Variants in CNTNAP2 observed in about 807,000 individuals in gnomAD.
The protein encoded by CNTNAP2 is contactin-associated protein-like 2.
CNTNAP2 carries 98 observed loss-of-function variants against 155.2 expected under a neutral mutation model. The observed-to-expected ratio is 0.63, with a 90% CI of 0.54 to 0.75. The LOEUF (loss-of-function observed/expected upper bound fraction) is 0.75, where lower values mean the gene tolerates loss of function less well. Among genes scored for constraint, CNTNAP2 ranks in the 30% least tolerant of loss-of-function variants. The pLI, the probability that CNTNAP2 is intolerant of heterozygous loss-of-function variation, is 0.00. For missense variants in CNTNAP2, 1,727 were observed against 1,688.1 expected (o/e 1.02, Z -0.40); for synonymous variants, 651 against 631.2 (o/e 1.03, Z -0.47).
At chr7:148,069,502 C>CCGTG (rs1450047038) in intron 15 of CNTNAP2, among the ~76,000 whole-genome samples, 1 of 152,076 alleles carries the variant, frequency 6.6e-6, no homozygotes, top group Non-Finnish European at 1.5e-5. Context: ...GTGGCTCACA[C>CCGTG]CTGTAATTCC....
At chr7:146,866,303 T>C (rs1795204082) in intron 3 of CNTNAP2, among the ~76,000 whole-genome samples, 1 of 152,182 alleles carries the variant, frequency 6.6e-6, no homozygotes, top group South Asian at 2.1e-4. Flanking sequence ...TAAGCCTTTA[T>C]AATAAAATAT....
At chr7:148,198,343 G>A (rs527494509) in intron 18 of CNTNAP2, among the ~76,000 whole-genome samples, 1 of 152,330 alleles carries the variant, frequency 6.6e-6, no homozygotes, top group African/African-American at 2.4e-5. Context: ...TTTCATAAAG[G>A]TTGATGGCGA....
intron 1 of CNTNAP2, among the ~76,000 whole-genome samples, chr7:146,525,188 C>T (rs922496515): frequency 2.6e-5 from 4 of 151,962 alleles, no homozygotes; most frequent in Non-Finnish European, 5.9e-5. Flanking sequence ...CCCTGGTAAT[C>T]CTCGGCTATT....
chr7:147,286,907 T>G (rs1316118917), intron 8 of CNTNAP2, among the ~76,000 whole-genome samples: 3 of 152,114 alleles, frequency 2.0e-5, no homozygotes, highest in African/African-American at 4.8e-5. Context: ...AGTTGACTAG[T>G]CCCTGCTTCT....
At chr7:146,675,392 C>A (rs1423090440) in intron 1 of CNTNAP2, among the ~76,000 whole-genome samples, 1 of 152,138 alleles carries the variant, frequency 6.6e-6, no homozygotes, top group African/African-American at 2.4e-5. Context: ...CATTTAGGAG[C>A]ATGGGCTAGC....
intron 3 of CNTNAP2, among the ~76,000 whole-genome samples, chr7:147,029,092 T>G (rs1294025293): frequency 6.6e-6 from 1 of 150,436 alleles, no homozygotes; most frequent in African/African-American, 2.5e-5. Flanking sequence ...GCCTCGCGAG[T>G]AGCTGGGACC....
intron 1 of CNTNAP2, among the ~76,000 whole-genome samples, chr7:146,431,936 T>C (rs757775942): frequency 1.3e-5 from 2 of 152,106 alleles, no homozygotes; most frequent in Non-Finnish European, 2.9e-5. Context: ...ATTTGTTTGC[T>C]CTCTCTTTGA....
In CNTNAP2 at chr7:148,117,661, C is replaced by T. The variant is rs111556957; in HGVS notation, c.2384-457C>T. On this transcript the variant is annotated intron_variant, in intron 15 of 23. Coordinates refer to ENST00000361727, the MANE Select transcript of CNTNAP2 (RefSeq NM_014141.6). The stretch of plus-strand genomic sequence containing the variant: ...GTACATATGCAGGAGTTCAAAACAG[C>T]CCCCACCCACCCACAGAGTAACCCC... Among the ~76,000 whole-genome samples the T allele has an allele frequency of 7.2e-3, 1,095 of 152,172 alleles. 6 individuals carry two copies. Among genetic ancestry groups the T allele is most frequent in the Non-Finnish European group, 0.012 (817 of 67,972 alleles).
intron 4 of CNTNAP2, among the ~76,000 whole-genome samples, chr7:147,090,324 T>A (rs1344958839): frequency 6.7e-6 from 1 of 149,224 alleles, no homozygotes; most frequent in African/African-American, 2.5e-5. Flanking sequence ...CATATAAGCG[T>A]GTGTGTGTGT....
chr7:148,383,556 G>C (rs1320922134), intron 21 of CNTNAP2, 93 bp from the exon 22 acceptor site: 2 of 1,567,410 alleles, frequency 1.3e-6, no homozygotes, highest in African/African-American at 1.4e-5. Flanking sequence ...AAACCTAAAT[G>C]TAAGCTTTGG....
chr7:148,089,706 A>G lies in CNTNAP2; in HGVS notation c.2384-28412A>G, dbSNP rs1373635628. Reference sequence around the variant, plus strand: ...TGAAGAATATTGTTAAGAATTCAGTACTACCCAAAGTGATCTACAGATTTA... The same window carrying G: ...TGAAGAATATTGTTAAGAATTCAGTGCTACCCAAAGTGATCTACAGATTTA... On this transcript the variant is annotated intron_variant, in intron 15 of 23. Coordinates refer to ENST00000361727, the MANE Select transcript of CNTNAP2 (RefSeq NM_014141.6). Among the ~76,000 whole-genome samples, 5 of 151,786 alleles carry G rather than the reference A, an allele frequency of 3.3e-5. 1 individual carries two copies. Among genetic ancestry groups the G allele is most frequent in the Non-Finnish European group, 7.4e-5 (5 of 67,794 alleles).
At chr7:147,514,995 A>G (rs1799093613) in intron 11 of CNTNAP2, among the ~76,000 whole-genome samples, 1 of 152,148 alleles carries the variant, frequency 6.6e-6, no homozygotes, top group Admixed American at 6.6e-5. Flanking sequence ...AACAGCCTCC[A>G]AGGCCCTGAA....
At chr7:146,639,411 A>G (rs2129160815) in intron 1 of CNTNAP2, among the ~76,000 whole-genome samples, 1 of 152,330 alleles carries the variant, frequency 6.6e-6, no homozygotes, top group East Asian at 1.9e-4. Flanking sequence ...TTTTACAAGC[A>G]TTATCTCATC....
chr7:148,291,719 T>TA (rs1797193889), intron 21 of CNTNAP2, among the ~76,000 whole-genome samples: 1 of 152,062 alleles, frequency 6.6e-6, no homozygotes, highest in South Asian at 2.1e-4. Flanking sequence ...GCATGGGAGG[T>TA]AATGCGTATG....
chr7:147,868,922 A>G (rs534220742), intron 13 of CNTNAP2, among the ~76,000 whole-genome samples: 17 of 152,214 alleles, frequency 1.1e-4, no homozygotes, highest in Non-Finnish European at 1.9e-4. Context: ...GACCCCTTGC[A>G]CTTCCCAGGT....
At chr7:147,219,149 C>T (rs757489841) in intron 8 of CNTNAP2, among the ~76,000 whole-genome samples, 4 of 151,978 alleles carry the variant, frequency 2.6e-5, no homozygotes, top group Non-Finnish European at 5.9e-5. Flanking sequence ...TATAATGAAC[C>T]CATTTTCACA....
chr7:146,290,812 A>G (rs1008123477), intron 1 of CNTNAP2, among the ~76,000 whole-genome samples: 1 of 152,242 alleles, frequency 6.6e-6, no homozygotes. Context: ...ATTAAAACAT[A>G]TAGAATCCCT....
At chr7:147,600,769 T>C (rs1486569127) in intron 12 of CNTNAP2, among the ~76,000 whole-genome samples, 3 of 152,152 alleles carry the variant, frequency 2.0e-5, no homozygotes, top group Admixed American at 1.3e-4. Context: ...TTTCCTTTTC[T>C]TCCTTCCCCC....
chr7:146,556,967 C>T (rs1798207938), intron 1 of CNTNAP2, among the ~76,000 whole-genome samples: 1 of 152,080 alleles, frequency 6.6e-6, no homozygotes, highest in African/African-American at 2.4e-5. Flanking sequence ...GTTGATTAAA[C>T]ACACAGAGAA....
Sources: gnomAD v4.1 joint callset for allele counts (sites outside exome capture counted in the v4.1 genomes callset) on GRCh38, gnomAD v4.1.1 for gene constraint, MANE v1.5 for transcripts, NCBI Gene and HGNC (gene_info 2026-07-23, HGNC 2026-07-21) for gene names.